Variants in ASXL1 observed in about 807,000 individuals in gnomAD.
ASXL1 encodes the protein polycomb group protein ASXL1.
ASXL1 carries 65 observed loss-of-function variants against 89.1 expected under a neutral mutation model. That is an observed-to-expected ratio of 0.73 (90% CI 0.60 to 0.90). The LOEUF (loss-of-function observed/expected upper bound fraction) is 0.90. Among genes scored for constraint, ASXL1 ranks in the 40% least tolerant of loss-of-function variants. The pLI is 0.00. For synonymous variants in ASXL1, 739 were observed against 746.9 expected (o/e 0.99, Z 0.17); for missense variants, 1,786 against 1,942.9 (o/e 0.92, Z 1.52).
intron 4 of ASXL1, among the ~76,000 whole-genome samples, chr20:32,404,773 A>G (rs2048927934): frequency 1.3e-5 from 2 of 152,310 alleles, no homozygotes; most frequent in Middle Eastern, 3.4e-3. Context: ...AGTTATAGAC[A>G]TTTTATAGAT....
At chr20:32,372,207 A>G (rs1431727158) in intron 4 of ASXL1, 3 of 1,345,524 alleles carry the variant, frequency 2.2e-6, no homozygotes, top group Middle Eastern at 2.0e-4. Flanking sequence ...ATTTTAATAT[A>G]TCTTTGAATA....
intron 4 of ASXL1, among the ~76,000 whole-genome samples, chr20:32,410,767 A>G (rs6058685): frequency 1 from 152,073 of 152,150 alleles, 75,998 homozygotes; most frequent in Middle Eastern, 1. Flanking sequence ...AGTAGCTCAC[A>G]CCTGTAATCC....
chr20:32,424,049 T>C (rs953260380), intron 4 of ASXL1, among the ~76,000 whole-genome samples: 7 of 152,206 alleles, frequency 4.6e-5, no homozygotes, highest in African/African-American at 1.7e-4. Flanking sequence ...GTTTAACTAA[T>C]GAGATTTGTA....
chr20:32,372,050 A>G (rs2048308167), intron 4 of ASXL1: 1 of 1,279,776 alleles, frequency 7.8e-7, no homozygotes, highest in Admixed American at 2.3e-5. Flanking sequence ...TGAGTACCTT[A>G]AGGGCAGGAA....
rs1302451871 is a variant in ASXL1 at position 32,432,871 on chromosome 20, T to TTTTAATTTTAA, written c.980-9_980-8insTTTAATTTTAA. ...ATGCACTTACTAGAAGAGGTTTATTTCTCCCTAGGTGAATTTACTCATGAG... is the reference window on the plus strand; with the variant it reads ...ATGCACTTACTAGAAGAGGTTTATTTTTTAATTTTAACTCCCTAGGTGAATTTACTCATGAG... On this transcript the variant is annotated splice_polypyrimidine_tract_variant and intron_variant, in intron 10 of 12. Coordinates refer to ENST00000375687, the MANE Select transcript of ASXL1 (RefSeq NM_015338.6). 3 of 1,613,610 alleles carry TTTTAATTTTAA rather than the reference T, an allele frequency of 1.9e-6. No homozygotes were observed. In the South Asian group the frequency reaches 3.3e-5, roughly 18 times the overall value.
chr20:32,371,641 G>C (rs949949087), intron 4 of ASXL1: 3 of 223,210 alleles, frequency 1.3e-5, no homozygotes, highest in African/African-American at 4.7e-5. Context: ...GTCTCACACT[G>C]TTGTCCACAG....
chr20:32,412,830 A>G (rs1297924162), intron 4 of ASXL1, among the ~76,000 whole-genome samples: 1 of 151,658 alleles, frequency 6.6e-6, no homozygotes, highest in Admixed American at 6.6e-5. Flanking sequence ...AAGTGTTAGG[A>G]TTATAGGCGT....
rs1415097723 is a variant in ASXL1 at position 32,426,309 on chromosome 20, C to G, written c.253-1819C>G. ...AGGGTGTATGTATGATTTTCTCATA[C>G]TCTTGTCAGAACTGGAGATTTGGGG... On this transcript the variant is annotated intron_variant, in intron 4 of 12. Coordinates refer to ENST00000375687, the MANE Select transcript of ASXL1 (RefSeq NM_015338.6). Among the ~76,000 whole-genome samples the G allele has an allele frequency of 2.0e-5, 3 of 152,006 alleles. No homozygotes were observed. In the East Asian group the frequency reaches 5.8e-4, roughly 29 times the overall value.
chr20:32,417,088 T>G (rs868713973), intron 4 of ASXL1, among the ~76,000 whole-genome samples: 42 of 152,228 alleles, frequency 2.8e-4, no homozygotes, highest in Admixed American at 4.6e-4. Context: ...TGATGTAGAT[T>G]GACAGGTCTA....
At chr20:32,397,225 T>G (rs1319601666) in intron 4 of ASXL1, among the ~76,000 whole-genome samples, 2 of 130,280 alleles carry the variant, frequency 1.5e-5, no homozygotes, top group Admixed American at 8.1e-5. Context: ...TTTTTTTTTT[T>G]TGTGGGGTGA....
chr20:32,409,353 A>G (rs2049007449), intron 4 of ASXL1, among the ~76,000 whole-genome samples: 1 of 152,232 alleles, frequency 6.6e-6, no homozygotes, highest in South Asian at 2.1e-4. Flanking sequence ...CCTAGCAGGT[A>G]TATAGCTGAT....
rs2011726938 is a variant in ASXL1 at position 32,435,046 on chromosome 20, G to A, written c.2334G>A (p.Gln778=). ...QTSVAERLVE[Q]PQLHPDVRTE... Reference sequence around the variant, plus strand: ...CAGTAGCTGAGAGATTAGTGGAGCAGCCTCAGTTGCATCCGGATGTTAGAA... The same window carrying A: ...CAGTAGCTGAGAGATTAGTGGAGCAACCTCAGTTGCATCCGGATGTTAGAA... Residue 778 remains glutamine, a synonymous_variant, in exon 13 of 13, where the codon CAG becomes CAA. Coordinates refer to ENST00000375687, the MANE Select transcript of ASXL1 (RefSeq NM_015338.6). The A allele has an allele frequency of 6.2e-7, 1 of 1,614,176 alleles. No individual in the cohort carries two copies. The highest frequency in any genetic ancestry group is 8.5e-7 in the Non-Finnish European group (1 of 1,180,038).
At chr20:32,411,212 A>ATTTTT (rs1191515935) in intron 4 of ASXL1, among the ~76,000 whole-genome samples, 1 of 65,814 alleles carries the variant, frequency 1.5e-5, no homozygotes, top group Non-Finnish European at 3.4e-5. Flanking sequence ...GAATTTATGG[A>ATTTTT]TTCTTTTTTT....
intron 4 of ASXL1, among the ~76,000 whole-genome samples, chr20:32,420,775 CT>C (rs1395250759): frequency 6.6e-6 from 1 of 151,908 alleles, no homozygotes; most frequent in Non-Finnish European, 1.5e-5. Context: ...ATCCCTACAA[CT>C]ACAGTTTTTA....
chr20:32,428,087 T>G lies in ASXL1; in HGVS notation c.253-41T>G, dbSNP rs749115816. On this transcript the variant is annotated intron_variant, in intron 4 of 12. Transcript: ENST00000375687. Reference sequence around the variant, plus strand: ...GAATGACTGCCTTGCTTTAAGAATTTGTAGGGTTTTGTTCACCTGAGTTGT... The same window carrying G: ...GAATGACTGCCTTGCTTTAAGAATTGGTAGGGTTTTGTTCACCTGAGTTGT... 8 of 1,612,026 alleles carry G rather than the reference T, an allele frequency of 5.0e-6. No individual in the cohort carries two copies. The South Asian group carries it at 8.8e-5, about 18-fold the overall frequency.
rs2145378738 is a variant in ASXL1 at position 32,435,916 on chromosome 20, A to C, written c.3204A>C (p.Arg1068=). 1 of 1,614,188 alleles carries C rather than the reference A, an allele frequency of 6.2e-7. No homozygotes were observed. The highest frequency in any genetic ancestry group is 2.2e-5 in the East Asian group (1 of 44,884). ...GMVAPQSWVS[R]VCAVRQKIPD... The stretch of plus-strand genomic sequence containing the variant: ...TTGCTCCTCAGAGCTGGGTGTCTCG[A>C]GTATGTGCGGTCCGCCAAAAGATCC... Residue 1068 remains arginine (R), a synonymous_variant, in exon 13 of 13, where the codon CGA becomes CGC. Coordinates refer to ENST00000375687, the MANE Select transcript of ASXL1 (RefSeq NM_015338.6).
At position 32,436,692 on chromosome 20, in the gene ASXL1, C is replaced by T. The variant is rs2011915068; in HGVS notation, c.3980C>T (p.Ala1327Val). The stretch of plus-strand genomic sequence containing the variant: ...CCTGCGGACCCGATGCCTCTTCCTG[C>T]TGAGATCCCTCCAGTTTTTCCCAGT... ...PRPADPMPLP[A>V]EIPPVFPSGK... The change falls in exon 13 of 13, where the codon GCT (alanine) becomes GTT (valine). Residue 1327 changes from alanine (A) to valine (V), a missense_variant. By Grantham distance (64) the Ala-to-Val change is moderately conservative. This residue lies in a region of ASXL1 where 1,418 missense variants were observed against 1,427.8 expected (regional missense o/e 0.99). Coordinates refer to ENST00000375687, the MANE Select transcript of ASXL1 (RefSeq NM_015338.6). 3.1e-6 allele frequency: 5 copies of T among 1,613,898 alleles called. No individual in the cohort carries two copies. Among genetic ancestry groups the T allele is most frequent in the African/African-American group, 1.3e-5 (1 of 74,942 alleles).
chr20:32,428,031 AT>A lies in ASXL1; in HGVS notation c.253-96del, dbSNP rs944132753. On this transcript the variant is annotated intron_variant, in intron 4 of 12. Transcript: ENST00000375687. ...GGTTAGGAACTTGTCAGTATTCTAA[AT>A]CCCTCTTTTTCAAAAGCATACACAT... 5.1e-6 allele frequency: 8 copies of A among 1,554,510 alleles called. No homozygotes were observed. In the African/African-American group the frequency reaches 9.5e-5, roughly 18 times the overall value.
At chr20:32,397,543 G>T (rs2048791855) in intron 4 of ASXL1, among the ~76,000 whole-genome samples, 2 of 151,394 alleles carry the variant, frequency 1.3e-5, no homozygotes, top group South Asian at 2.1e-4. Context: ...GGGATTACAG[G>T]TGTGTGCCAC....
Sources: gnomAD v4.1 joint callset for allele counts (sites outside exome capture counted in the v4.1 genomes callset) on GRCh38, gnomAD v4.1.1 for gene constraint, gnomAD v4.1.1 regional missense constraint, MANE v1.5 for transcripts, NCBI Gene and HGNC (gene_info 2026-07-23, HGNC 2026-07-21) for gene names.